SCFD2: variants seen among roughly 807,000 people sequenced by gnomAD.
SCFD2 encodes the protein sec1 family domain containing 2.
Under a neutral mutation model 58.9 loss-of-function variants are expected in SCFD2, and 54 were observed. That is an observed-to-expected ratio of 0.92 (90% CI 0.74 to 1.15). SCFD2 has a LOEUF of 1.15. Among genes scored for constraint, SCFD2 ranks in the 50% most tolerant of loss-of-function variants. The pLI is 0.00. For synonymous variants in SCFD2, 321 were observed against 335.9 expected (o/e 0.96, Z 0.49); for missense variants, 805 against 836.6 (o/e 0.96, Z 0.47).
intron 3 of SCFD2, among the ~76,000 whole-genome samples, chr4:53,299,261 G>T (rs1463844203): frequency 6.6e-6 from 1 of 152,204 alleles, no homozygotes; most frequent in Admixed American, 6.5e-5. Flanking sequence ...GGACCTGATG[G>T]AGCTGAAAAC....
intron 5 of SCFD2, among the ~76,000 whole-genome samples, chr4:52,955,180 C>G (rs1720682494): frequency 6.6e-6 from 1 of 152,162 alleles, no homozygotes; most frequent in Admixed American, 6.5e-5. Context: ...AGGATGCTCC[C>G]TTTATGCTTG....
intron 5 of SCFD2, among the ~76,000 whole-genome samples, chr4:53,039,657 G>A (rs946237800): frequency 2.0e-5 from 3 of 152,148 alleles, no homozygotes; most frequent in Admixed American, 2.0e-4. Flanking sequence ...GATCACAGTA[G>A]CCTTAGTATA....
chr4:53,112,167 T>C (rs1052148952), intron 5 of SCFD2, among the ~76,000 whole-genome samples: 5 of 152,078 alleles, frequency 3.3e-5, no homozygotes, highest in East Asian at 1.9e-4. Context: ...CTCTGCTACA[T>C]TGCTTGAAAT....
At chr4:52,926,690 A>C (rs891590242) in intron 5 of SCFD2, among the ~76,000 whole-genome samples, 3 of 152,152 alleles carry the variant, frequency 2.0e-5, no homozygotes, top group Non-Finnish European at 4.4e-5. Context: ...TGAGAACCTC[A>C]GGCCCACTTT....
At position 53,244,682 on chromosome 4, in the gene SCFD2, G is replaced by T. The variant is rs143836147; in HGVS notation, c.1311+29144C>A. Among the ~76,000 whole-genome samples the T allele has an allele frequency of 7.6e-3, 1,151 of 151,990 alleles. 8 individuals carry two copies. Among genetic ancestry groups the T allele is most frequent in the Non-Finnish European group, 0.011 (722 of 67,916 alleles). ...TAACAACCTAACATCACAACTAAAA[G>T]AACTAGAGAAGCAAGAGAAAACCAA... On this transcript the variant is annotated intron_variant, in intron 4 of 8. Coordinates refer to ENST00000401642, the MANE Select transcript of SCFD2 (RefSeq NM_152540.4).
chr4:52,920,749 A>G lies in SCFD2; in HGVS notation c.1683T>C (p.Tyr561=), dbSNP rs750056222. Residue 561 remains tyrosine (Y), a synonymous_variant, in exon 6 of 9, where the codon TAT becomes TAC. Coordinates refer to ENST00000401642, the MANE Select transcript of SCFD2 (RefSeq NM_152540.4). ...CCTGGTGGGTATGATTTCCAGGAAC[A>G]TATACAGACTTAAACTGTTTCAGGA... ...RSLLKQFKSV[Y]VPGNHTHQAS... is the part of the protein sequence containing the mutation. 1.9e-6 allele frequency: 3 copies of G among 1,609,060 alleles called. No individual in the cohort carries two copies. The African/African-American group carries it at 4.0e-5, about 22-fold the overall frequency.
intron 8 of SCFD2, among the ~76,000 whole-genome samples, chr4:52,877,934 G>A (rs1275040182): frequency 1.3e-5 from 2 of 152,148 alleles, no homozygotes; most frequent in Non-Finnish European, 2.9e-5. Flanking sequence ...CCCCAAATCA[G>A]TCCCACATTC....
intron 5 of SCFD2, chr4:52,957,275 GCTT>G (rs1010415223): frequency 6.6e-6 from 1 of 152,212 alleles, no homozygotes; most frequent in African/African-American, 2.4e-5. Flanking sequence ...CTGGGTGTGT[GCTT>G]CTATTTAATA....
chr4:53,342,158 C>T (rs1186872954), intron 2 of SCFD2, among the ~76,000 whole-genome samples: 2 of 152,136 alleles, frequency 1.3e-5, no homozygotes, highest in Admixed American at 6.5e-5. Context: ...AAGACATAGA[C>T]TGGCAAATTG....
intron 5 of SCFD2, among the ~76,000 whole-genome samples, chr4:53,033,291 C>T (rs951159405): frequency 6.6e-6 from 1 of 151,770 alleles, no homozygotes; most frequent in Non-Finnish European, 1.5e-5. Flanking sequence ...ACACAACATA[C>T]CAGAATCTCT....
chr4:53,310,787 T>C (rs1732666742), intron 3 of SCFD2, among the ~76,000 whole-genome samples: 1 of 152,198 alleles, frequency 6.6e-6, no homozygotes, highest in Non-Finnish European at 1.5e-5. Context: ...TAACATGAAT[T>C]TACCTTGTAC....
chr4:53,002,941 AAGAG>A (rs985336700), intron 5 of SCFD2, among the ~76,000 whole-genome samples: 1 of 152,162 alleles, frequency 6.6e-6, no homozygotes, highest in African/African-American at 2.4e-5. Context: ...GAGTAGGAAG[AAGAG>A]AGAGAGGTGG....
At chr4:53,084,571 T>C (rs1452217237) in intron 5 of SCFD2, among the ~76,000 whole-genome samples, 1 of 152,196 alleles carries the variant, frequency 6.6e-6, no homozygotes, top group Non-Finnish European at 1.5e-5. Flanking sequence ...TAAGAAATTA[T>C]AAAAGTATTA....
Position 53,212,283 on chromosome 4 carries a change from T to C in SCFD2, c.1311+61543A>G, listed in dbSNP as rs369605138. Among the ~76,000 whole-genome samples the C allele has an allele frequency of 7.8e-4, 119 of 151,960 alleles. 5 individuals carry two copies. In the South Asian group the frequency reaches 0.022, roughly 29 times the overall value. On this transcript the variant is annotated intron_variant, in intron 4 of 8. Transcript: ENST00000401642. ...TTATAGCTTATAAAGGACCAGGACTTCCAAAAGTCAAAACAACACCAAATG... is the reference window on the plus strand; with the variant it reads ...TTATAGCTTATAAAGGACCAGGACTCCCAAAAGTCAAAACAACACCAAATG...
intron 4 of SCFD2, among the ~76,000 whole-genome samples, chr4:53,268,599 G>T (rs1355499554): frequency 6.6e-6 from 1 of 152,160 alleles, no homozygotes; most frequent in Non-Finnish European, 1.5e-5. Context: ...AATGAGGAGG[G>T]TATCTGTGCT....
intron 2 of SCFD2, among the ~76,000 whole-genome samples, chr4:53,337,840 A>C (rs1253270765): frequency 6.6e-6 from 1 of 152,224 alleles, no homozygotes; most frequent in African/African-American, 2.4e-5. Context: ...TGCATTTCTC[A>C]ATTTTATAAA....
At chr4:53,253,187 A>T (rs549816312) in intron 4 of SCFD2, among the ~76,000 whole-genome samples, 1 of 152,368 alleles carries the variant, frequency 6.6e-6, no homozygotes, top group South Asian at 2.1e-4. Flanking sequence ...AACCACAATG[A>T]GATACTATCT....
In SCFD2 at chr4:53,365,026, A is replaced by G. The variant is rs1385596155; in HGVS notation, c.838+78T>C. On this transcript the variant is annotated intron_variant, in intron 1 of 8. Transcript: ENST00000401642. The surrounding 1 kb of genome is among the most constrained non-coding windows in gnomAD (Gnocchi z 4.3). The stretch of plus-strand genomic sequence containing the variant: ...CAATCTAATATATAATAAAAGGTCA[A>G]TAAAATATATGCTGAATCAATGAAA... 1 of 1,495,924 alleles carries G rather than the reference A, an allele frequency of 6.7e-7. No individual in the cohort carries two copies. The highest frequency in any genetic ancestry group is 1.3e-5 in the South Asian group (1 of 74,510). The allele number at this position is 1,495,924 out of a possible 1,614,324, so 92.7% of individuals were successfully genotyped here. A position where few individuals can be genotyped will look rare whatever the true frequency, so the allele number is the denominator to read the frequency against.
At chr4:53,258,575 T>C (rs975021787) in intron 4 of SCFD2, among the ~76,000 whole-genome samples, 1,649 of 135,782 alleles carry the variant, frequency 0.012, 42 homozygotes, top group Admixed American at 0.015. Flanking sequence ...TATATATATA[T>C]ATACACACAC....
Sources: gnomAD v4.1 joint callset for allele counts (sites outside exome capture counted in the v4.1 genomes callset) on GRCh38, gnomAD v4.1.1 for gene constraint, Gnocchi (gnomAD v3.1) non-coding constraint, MANE v1.5 for transcripts, NCBI Gene and HGNC (gene_info 2026-07-23, HGNC 2026-07-21) for gene names.